Variants in LAT2 observed in about 807,000 individuals in gnomAD.
LAT2 encodes linker for activation of T cells family member 2, also known as linker for activation of T-cells family member 2.
In LAT2, 23 loss-of-function variants were observed where a neutral mutation model predicts 43.4. The ratio of observed to expected loss-of-function variants is 0.53; its 90% CI spans 0.38 to 0.75. LAT2 has a LOEUF of 0.75. LAT2 is among the 30% of genes least tolerant of loss of function. The pLI is 0.00. For missense variants in LAT2, 284 were observed against 310.2 expected (o/e 0.92, Z 0.64); for synonymous variants, 128 against 123.2 (o/e 1.04, Z -0.26).
intron 13 of LAT2, among the ~76,000 whole-genome samples, chr7:74,227,775 G>A (rs1245428379): frequency 1.3e-5 from 2 of 152,004 alleles, no homozygotes; most frequent in Non-Finnish European, 2.9e-5. Flanking sequence ...CGGAGGTTGA[G>A]GCGGGAGGAT....
chr7:74,219,186 G>A (rs1007170240), intron 4 of LAT2, among the ~76,000 whole-genome samples: 1 of 151,680 alleles, frequency 6.6e-6, no homozygotes, highest in African/African-American at 2.4e-5. Flanking sequence ...ACAGGCGCCC[G>A]CCACCGCGCC....
chr7:74,224,829 A>C (rs1220946408), intron 13 of LAT2, 69 bp downstream of exon 13: 1 of 1,157,348 alleles, frequency 8.6e-7, no homozygotes, highest in Non-Finnish European at 1.2e-6. Context: ...AGGACCCCCA[A>C]TCCAAGGGAA....
intron 13 of LAT2, among the ~76,000 whole-genome samples, chr7:74,227,397 T>C (rs1286111052): frequency 1.3e-5 from 2 of 151,986 alleles, no homozygotes; most frequent in Non-Finnish European, 2.9e-5. Context: ...TTTTTGTATT[T>C]TTAGTAGAGA....
Position 74,219,861 on chromosome 7 carries a change from A to C in LAT2, c.178+74A>C, listed in dbSNP as rs113120958. 6.6e-3 allele frequency: 10,569 copies of C among 1,609,288 alleles called. 550 individuals are homozygous for C. The African/African-American group carries it at 0.11, about 17-fold the overall frequency. ...TATCAAGTTATCTCGGTCCCCATTGACCTGAGACCGTGGCCAGGCCTGATG... is the reference window on the plus strand; with the variant it reads ...TATCAAGTTATCTCGGTCCCCATTGCCCTGAGACCGTGGCCAGGCCTGATG... On this transcript the variant is annotated intron_variant, in intron 5 of 13. Transcript: ENST00000460943.
intron 1 of LAT2, among the ~76,000 whole-genome samples, chr7:74,212,857 G>A (rs955569282): frequency 1.2e-4 from 19 of 152,200 alleles, no homozygotes; most frequent in African/African-American, 4.1e-4. Flanking sequence ...CCAGTCACAC[G>A]GCTCAGAAAT....
At chr7:74,211,405 T>C (rs536968260) in intron 1 of LAT2, among the ~76,000 whole-genome samples, 14 of 152,192 alleles carry the variant, frequency 9.2e-5, no homozygotes, top group Non-Finnish European at 1.9e-4. Context: ...CCCTTCCAAG[T>C]AGCTGGGGAC....
intron 1 of LAT2, among the ~76,000 whole-genome samples, chr7:74,213,563 C>T (rs1215194350): frequency 3.3e-5 from 5 of 151,340 alleles, no homozygotes; most frequent in South Asian, 2.1e-4. Context: ...TAGCTGGGAT[C>T]ACAGGCGTGT....
chr7:74,210,671 G>A (rs776335459), intron 1 of LAT2, among the ~76,000 whole-genome samples: 6 of 152,112 alleles, frequency 3.9e-5, no homozygotes, highest in Admixed American at 6.6e-5. Flanking sequence ...AGGACCAGCC[G>A]GGCACGGTGG....
At chr7:74,210,319 C>T (rs1801687006) in intron 1 of LAT2, among the ~76,000 whole-genome samples, 1 of 152,144 alleles carries the variant, frequency 6.6e-6, no homozygotes, top group Non-Finnish European at 1.5e-5. Context: ...AGCCTTGGGA[C>T]ATCCCAGGGT....
chr7:74,215,172 A>C (rs1801992363), intron 2 of LAT2, 162 bp downstream of exon 2: 1 of 152,332 alleles, frequency 6.6e-6, no homozygotes, highest in Non-Finnish European at 1.5e-5. Flanking sequence ...ATCCCAGCTC[A>C]TGTCATCCCA....
At position 74,224,847 on chromosome 7, in the gene LAT2, G is replaced by A. The variant is rs540972851; in HGVS notation, c.*18+87G>A. On this transcript the variant is annotated intron_variant, in intron 13 of 13. Transcript: ENST00000460943. ...ACCCCCAATCCAAGGGAACAGCCGA[G>A]AGTGTGGGTGGAGGGGCCATGGTGG... 1.1e-4 allele frequency: 113 copies of A among 1,014,334 alleles called. No individual in the cohort carries two copies. In the African/African-American group the frequency reaches 1.6e-3, roughly 14 times the overall value. 62.8% of individuals were successfully genotyped at this position (1,014,334 alleles called of 1,614,324 possible).
intron 4 of LAT2, among the ~76,000 whole-genome samples, chr7:74,217,846 C>CCCG (rs1802099017): frequency 6.6e-6 from 1 of 152,222 alleles, no homozygotes; most frequent in Admixed American, 6.5e-5. Flanking sequence ...CACACGCACA[C>CCCG]CCGCACACAC....
At position 74,224,659 on chromosome 7, in the gene LAT2, T is replaced by TC; in HGVS notation, c.653dup (p.Gly219TrpfsTer75). 1 of 1,604,678 alleles carries TC rather than the reference T, an allele frequency of 6.2e-7. No individual in the cohort carries two copies. Among genetic ancestry groups the TC allele is most frequent in the Non-Finnish European group, 8.5e-7 (1 of 1,176,000 alleles). On this transcript the variant is annotated frameshift_variant, in exon 13 of 14. Coordinates refer to ENST00000460943, the MANE Select transcript of LAT2 (RefSeq NM_032464.3). LOFTEE classifies it high-confidence loss of function. ...CACAGGGCAACTCCAGAGAGAAGCATCCCCTGGCCCGGTGGGAAGCCCAGA... is the reference window on the plus strand; with the variant it reads ...CACAGGGCAACTCCAGAGAGAAGCATCCCCCTGGCCCGGTGGGAAGCCCAGA...
At chr7:74,223,553 C>G (rs182754535) in intron 10 of LAT2, among the ~76,000 whole-genome samples, 171 bp from the exon 11 acceptor site, 1 of 152,116 alleles carries the variant, frequency 6.6e-6, no homozygotes, top group Non-Finnish European at 1.5e-5. Context: ...ACCAGGCCAG[C>G]ACCCATTAGG....
intron 4 of LAT2, 68 bp downstream of exon 4, chr7:74,216,932 T>C: frequency 7.3e-7 from 1 of 1,368,006 alleles, no homozygotes; most frequent in Non-Finnish European, 1.0e-6. Flanking sequence ...CTCAAGGGAA[T>C]TCCTAGCACC....
Position 74,220,075 on chromosome 7 carries a change from G to T in LAT2, c.227+67G>T. On this transcript the variant is annotated intron_variant, in intron 6 of 13. Transcript: ENST00000460943. The surrounding 1 kb of genome is among the most constrained non-coding windows in gnomAD (Gnocchi z 4.5). The stretch of plus-strand genomic sequence containing the variant: ...TGGAGGTCCTCACCTGGTGAGCCCA[G>T]GTCAAGACCTCCCTCCCTCCCCGAG... 1 of 1,586,906 alleles carries T rather than the reference G, an allele frequency of 6.3e-7. No homozygotes were observed. Among genetic ancestry groups the T allele is most frequent in the South Asian group, 1.1e-5 (1 of 89,178 alleles).
In LAT2 at chr7:74,223,744, G is replaced by A. The variant is rs549321328; in HGVS notation, c.409G>A (p.Glu137Lys). The A allele has an allele frequency of 1.3e-5, 21 of 1,613,880 alleles. No homozygotes were observed. Among genetic ancestry groups the A allele is most frequent in the South Asian group, 3.3e-5 (3 of 91,078 alleles). Residue 137 changes from glutamate (E) to lysine (K), a missense_variant, in exon 11 of 14, where the codon GAG (glutamate) becomes AAG (lysine). Glu to Lys is a moderately conservative substitution (Grantham distance 56). Coordinates refer to ENST00000460943, the MANE Select transcript of LAT2 (RefSeq NM_032464.3). The stretch of plus-strand genomic sequence containing the variant: ...TGCAGATGATGATGCCAATTCCTAC[G>A]AGAATGTGCTCATTTGCAAGCAGAA... The part of the protein sequence containing the change: ...PPEDDDANSY[E>K]NVLICKQKTT...
At chr7:74,216,296 C>T (rs533812173) in intron 3 of LAT2, among the ~76,000 whole-genome samples, 15 of 151,988 alleles carry the variant, frequency 9.9e-5, no homozygotes, top group African/African-American at 3.6e-4. Context: ...TTGCCCCAGA[C>T]GAGGGAGGGG....
rs1554714942 is a variant in LAT2, at chr7:74,220,233, C to A, written c.244C>A (p.Gln82Lys). Residue 82 changes from glutamine (Q) to lysine (K), a missense_variant, in exon 7 of 14, where the codon CAA becomes AAA. Coordinates refer to ENST00000460943, the MANE Select transcript of LAT2 (RefSeq NM_032464.3). This position sits in a 1 kb window ranked among gnomAD's most constrained non-coding sequence, Gnocchi z 4.5. ...TCCCTGCAGGAAGGACAAGCTGTTG[C>A]AATTCTACCCCAGCCTGGAGGGTGA... ...MAPTRKDKLL[Q>K]FYPSLEDPAS... The A allele has an allele frequency of 1.1e-5, 17 of 1,611,254 alleles. No homozygotes were observed. Among genetic ancestry groups the A allele is most frequent in the Non-Finnish European group, 1.4e-5 (16 of 1,178,344 alleles).
Sources: allele counts gnomAD v4.1 joint callset (sites outside exome capture counted in the v4.1 genomes callset), GRCh38; gene constraint gnomAD v4.1.1; non-coding constraint Gnocchi (gnomAD v3.1); transcripts MANE v1.5; gene names NCBI Gene and HGNC (gene_info 2026-07-23, HGNC 2026-07-21).